Variants in DLG2 observed in about 807,000 individuals in gnomAD.
The protein encoded by DLG2 is disks large homolog 2.
A neutral mutation model predicts 132.5 loss-of-function variants in DLG2; 45 were observed. The observed-to-expected ratio is 0.34, with a 90% CI of 0.27 to 0.44. The LOEUF is 0.44. Among genes scored for constraint, DLG2 ranks in the 20% least tolerant of loss-of-function variants. DLG2 has a pLI of 1.00. For missense variants in DLG2, 1,045 were observed against 1,196.9 expected, an observed-to-expected ratio of 0.87 and a Z score of 1.87; for synonymous variants, 424 against 419.6, an observed-to-expected ratio of 1.01 and a Z score of -0.13.
chr11:84,880,693 C>T, intron 6 of DLG2, among the ~76,000 whole-genome samples: 1 of 151,984 alleles, frequency 6.6e-6, no homozygotes. Context: ...AAGCTTAGGA[C>T]ATGGTGTAGC....
intron 6 of DLG2, among the ~76,000 whole-genome samples, chr11:84,753,398 C>T (rs61899050): frequency 6.6e-6 from 1 of 151,874 alleles, no homozygotes; most frequent in Admixed American, 6.6e-5. Context: ...AGACATATGA[C>T]CAATGGTAAC....
intron 12 of DLG2, among the ~76,000 whole-genome samples, chr11:83,968,095 T>C (rs1274354677): frequency 2.0e-5 from 3 of 152,240 alleles, no homozygotes; most frequent in East Asian, 3.8e-4. Context: ...ACTGGTATAA[T>C]GTAAAATTAA....
At chr11:85,516,105 T>TCAGACCA (rs2094163610) in intron 3 of DLG2, among the ~76,000 whole-genome samples, 1 of 152,028 alleles carries the variant, frequency 6.6e-6, no homozygotes, top group Non-Finnish European at 1.5e-5. Context: ...AAGTCACTTC[T>TCAGACCA]CAGACCACAG....
At chr11:84,578,494 A>C (rs963068241) in intron 6 of DLG2, among the ~76,000 whole-genome samples, 5 of 152,168 alleles carry the variant, frequency 3.3e-5, no homozygotes, top group African/African-American at 1.2e-4. Flanking sequence ...AAAGGAGATC[A>C]TTTTGGAGTT....
chr11:83,620,307 G>A (rs144281318), intron 19 of DLG2, among the ~76,000 whole-genome samples: 10 of 152,090 alleles, frequency 6.6e-5, no homozygotes, highest in East Asian at 1.9e-4. Context: ...TGTATAAAAC[G>A]TGTAACTTTT....
At chr11:85,521,962 T>G (rs1323706268) in intron 3 of DLG2, among the ~76,000 whole-genome samples, 1 of 151,868 alleles carries the variant, frequency 6.6e-6, no homozygotes, top group African/African-American at 2.4e-5. Flanking sequence ...TGGGGAGAAA[T>G]TCAAGCCAGG....
At chr11:83,956,668 G>T (rs1371793487) in intron 14 of DLG2, among the ~76,000 whole-genome samples, 3 of 152,212 alleles carry the variant, frequency 2.0e-5, no homozygotes, top group Admixed American at 6.5e-5. Flanking sequence ...TATAAGAAAA[G>T]ATTTCTTTCC....
At chr11:84,876,476 T>A (rs1170898401) in intron 6 of DLG2, among the ~76,000 whole-genome samples, 3 of 152,212 alleles carry the variant, frequency 2.0e-5, no homozygotes, top group Admixed American at 1.3e-4. Context: ...TGTGTAGAGG[T>A]GTTTATAGTA....
intron 3 of DLG2, among the ~76,000 whole-genome samples, chr11:85,508,687 ACAAAC>A (rs1781879850): frequency 6.6e-6 from 1 of 152,112 alleles, no homozygotes; most frequent in Non-Finnish European, 1.5e-5. Context: ...TTAAACAAAA[ACAAAC>A]ATACCAAAGT....
At chr11:83,920,479 T>C (rs893063119) in intron 15 of DLG2, among the ~76,000 whole-genome samples, 8 of 152,082 alleles carry the variant, frequency 5.3e-5, no homozygotes, top group African/African-American at 1.4e-4. Context: ...CTACCATTCA[T>C]CTCCCTTCAC....
chr11:84,502,175 T>C (rs1211035099), intron 7 of DLG2, among the ~76,000 whole-genome samples: 3 of 34,946 alleles, frequency 8.6e-5, no homozygotes, highest in Non-Finnish European at 1.8e-4. Context: ...TCTCTCTCTC[T>C]TTCTCTCTCT....
At chr11:83,601,087 A>G (rs1472765907) in intron 19 of DLG2, among the ~76,000 whole-genome samples, 2 of 152,252 alleles carry the variant, frequency 1.3e-5, no homozygotes. Flanking sequence ...GTAAGATACA[A>G]TCTATAATAC....
intron 15 of DLG2, among the ~76,000 whole-genome samples, chr11:83,926,083 TCC>T (rs1369979870): frequency 2.0e-5 from 3 of 151,530 alleles, no homozygotes; most frequent in Non-Finnish European, 4.4e-5. Flanking sequence ...TAAAGTGCTT[TCC>T]TAAGAAAAAC....
chr11:85,576,290 T>C (rs2078152577), intron 3 of DLG2, among the ~76,000 whole-genome samples: 1 of 152,194 alleles, frequency 6.6e-6, no homozygotes. Context: ...CAATTTTAAA[T>C]GATGCTGTTT....
At chr11:85,352,074 C>T (rs2083333831) in intron 3 of DLG2, among the ~76,000 whole-genome samples, 1 of 152,114 alleles carries the variant, frequency 6.6e-6, no homozygotes, top group Non-Finnish European at 1.5e-5. Context: ...TTAATTATTG[C>T]CTCAATTTCA....
chr11:85,196,387 A>G (rs919509096), intron 4 of DLG2, among the ~76,000 whole-genome samples: 3 of 152,330 alleles, frequency 2.0e-5, no homozygotes, highest in African/African-American at 7.2e-5. Context: ...AATAACATGC[A>G]AAGTATGCAA....
At chr11:85,506,801 A>G (rs1350727545) in intron 3 of DLG2, among the ~76,000 whole-genome samples, 20 of 152,122 alleles carry the variant, frequency 1.3e-4, no homozygotes, top group African/African-American at 4.1e-4. Flanking sequence ...TGATCTGTCT[A>G]ATGTTGACAG....
chr11:84,606,532 T>C (rs188318980), intron 6 of DLG2, among the ~76,000 whole-genome samples: 20 of 152,268 alleles, frequency 1.3e-4, no homozygotes, highest in African/African-American at 4.1e-4. Context: ...ATTTCCATCT[T>C]TCTTTAAAAT....
At chr11:85,071,583 T>C (rs1214119512) in intron 6 of DLG2, among the ~76,000 whole-genome samples, 2 of 151,868 alleles carry the variant, frequency 1.3e-5, no homozygotes, top group Non-Finnish European at 2.9e-5. Flanking sequence ...AAGTGCTTCA[T>C]TGATGACATC....
Sources: allele counts gnomAD v4.1 joint callset (sites outside exome capture counted in the v4.1 genomes callset), GRCh38; gene constraint gnomAD v4.1.1; transcripts MANE v1.5; gene names NCBI Gene and HGNC (gene_info 2026-07-23, HGNC 2026-07-21).